Variants in VRK1 observed in about 807,000 individuals in gnomAD.
VRK1 encodes the protein VRK serine/threonine kinase 1, also known as serine/threonine-protein kinase VRK1.
VRK1 carries 33 observed loss-of-function variants against 57.1 expected under a neutral mutation model. The ratio of observed to expected loss-of-function variants is 0.58; its 90% CI spans 0.44 to 0.77. The LOEUF (loss-of-function observed/expected upper bound fraction) is 0.77. VRK1 is among the 30% of genes least tolerant of loss of function. The pLI, the probability that VRK1 is intolerant of heterozygous loss-of-function variation, is 0.00. For synonymous variants in VRK1, 137 were observed against 147.8 expected (o/e 0.93, Z 0.53); for missense variants, 413 against 477.3 (o/e 0.87, Z 1.25).
intron 11 of VRK1, among the ~76,000 whole-genome samples, chr14:96,868,107 A>G (rs2224443): frequency 0.32 from 48,044 of 152,040 alleles, 8,411 homozygotes; most frequent in South Asian, 0.42. Context: ...TTTTCATTAC[A>G]GACATCTACT....
chr14:96,803,589 A>T (rs1051441873), intron 1 of VRK1, among the ~76,000 whole-genome samples: 1 of 152,156 alleles, frequency 6.6e-6, no homozygotes, highest in African/African-American at 2.4e-5. Context: ...GAAAAAACGT[A>T]TTTATGTAGG....
chr14:96,839,959 A>C (rs1887388022), intron 3 of VRK1, among the ~76,000 whole-genome samples: 1 of 152,158 alleles, frequency 6.6e-6, no homozygotes, highest in African/African-American at 2.4e-5. Flanking sequence ...CCACTTAGTC[A>C]TGGTGTATTA....
At chr14:96,860,112 G>C (rs1376239896) in intron 10 of VRK1, among the ~76,000 whole-genome samples, 3 of 151,790 alleles carry the variant, frequency 2.0e-5, no homozygotes, top group African/African-American at 7.3e-5. Flanking sequence ...GCCTCTTTTT[G>C]GTGTGTTTTA....
At chr14:96,872,339 C>T (rs1384586738) in intron 11 of VRK1, among the ~76,000 whole-genome samples, 1 of 152,132 alleles carries the variant, frequency 6.6e-6, no homozygotes, top group African/African-American at 2.4e-5. Flanking sequence ...TCAATAGTTA[C>T]TCTACAGGTG....
intron 1 of VRK1, among the ~76,000 whole-genome samples, chr14:96,804,665 A>G (rs1885799658): frequency 6.6e-6 from 1 of 152,226 alleles, no homozygotes; most frequent in African/African-American, 2.4e-5. Context: ...GGAAAATGGT[A>G]TGATAGAAAT....
chr14:96,804,261 A>G (rs571733145), intron 1 of VRK1, among the ~76,000 whole-genome samples: 15 of 152,172 alleles, frequency 9.9e-5, no homozygotes, highest in Non-Finnish European at 1.8e-4. Context: ...TTCCAAAACC[A>G]TTTGTTGAAA....
At chr14:96,861,696 A>G (rs865910825) in intron 11 of VRK1, among the ~76,000 whole-genome samples, 1 of 152,226 alleles carries the variant, frequency 6.6e-6, no homozygotes, top group African/African-American at 2.4e-5. Flanking sequence ...ACTTTGCCAA[A>G]TAGCAGGTCT....
At position 96,855,138 on chromosome 14, in the gene VRK1, A is replaced by T. The variant is rs911174650; in HGVS notation, c.577-86A>T. 2.5e-6 allele frequency: 4 copies of T among 1,603,718 alleles called. No homozygotes were observed. In the African/African-American group the frequency reaches 5.4e-5, roughly 21 times the overall value. ...ACCTTGTAGGTGAACCCACCTTCAG[A>T]TGCCAGTATTTTGTTTCTGTGCTTT... On this transcript the variant is annotated intron_variant, in intron 7 of 12. Transcript: ENST00000216639.
Position 96,813,488 on chromosome 14 carries a change from G to A in VRK1, c.-6+16041G>A, listed in dbSNP as rs562785999. Among the ~76,000 whole-genome samples the A allele has an allele frequency of 2.0e-5, 3 of 151,878 alleles. 1 individual carries two copies. Among genetic ancestry groups the A allele is most frequent in the South Asian group, 4.2e-4 (2 of 4,806 alleles). On this transcript the variant is annotated intron_variant, in intron 1 of 12. Coordinates refer to ENST00000216639, the MANE Select transcript of VRK1 (RefSeq NM_003384.3). The stretch of plus-strand genomic sequence containing the variant: ...CTTTTTTCATATATTCTTCAGTGGC[G>A]TATACATCAAGTTTTTTTCAGCTGA...
chr14:96,824,574 C>G (rs80125383), intron 1 of VRK1, among the ~76,000 whole-genome samples: 1,577 of 149,430 alleles, frequency 0.011, 21 homozygotes, highest in African/African-American at 0.032. Context: ...CAAGTACAGA[C>G]GATTATTGAA....
chr14:96,832,959 G>T (rs1887066645), intron 1 of VRK1, among the ~76,000 whole-genome samples: 1 of 152,166 alleles, frequency 6.6e-6, no homozygotes, highest in African/African-American at 2.4e-5. Context: ...TCTTCACAGA[G>T]TCATGAGGAT....
intron 1 of VRK1, among the ~76,000 whole-genome samples, chr14:96,809,020 A>G (rs894464856): frequency 2.0e-5 from 3 of 152,188 alleles, no homozygotes; most frequent in Non-Finnish European, 4.4e-5. Flanking sequence ...CTGTTGACCA[A>G]ACCTACATGT....
At position 96,799,617 on chromosome 14, in the gene VRK1, A is replaced by T. The variant is rs560216770; in HGVS notation, c.-6+2170A>T. On this transcript the variant is annotated intron_variant, in intron 1 of 12. Transcript: ENST00000216639. The stretch of plus-strand genomic sequence containing the variant: ...GTCTCCTGAATTTATGCAAATGTGC[A>T]AATGCTTATATCTCCGTAGATCAGG... Among the ~76,000 whole-genome samples, 72 of 152,390 alleles carry T rather than the reference A, an allele frequency of 4.7e-4. 1 individual carries two copies. The highest frequency in any genetic ancestry group is 1.6e-3 in the African/African-American group (68 of 41,598).
At chr14:96,818,947 T>C (rs1886493396) in intron 1 of VRK1, among the ~76,000 whole-genome samples, 1 of 152,228 alleles carries the variant, frequency 6.6e-6, no homozygotes, top group South Asian at 2.1e-4. Context: ...TTTCAAATGA[T>C]TTCTTAGCAC....
intron 1 of VRK1, among the ~76,000 whole-genome samples, chr14:96,814,319 G>A (rs1886313551): frequency 1.3e-5 from 2 of 152,132 alleles, no homozygotes; most frequent in Non-Finnish European, 2.9e-5. Flanking sequence ...AAGGTATTGA[G>A]AGTTATTTTT....
intron 1 of VRK1, among the ~76,000 whole-genome samples, chr14:96,799,633 G>T (rs913288023): frequency 6.6e-6 from 1 of 152,188 alleles, no homozygotes; most frequent in Admixed American, 6.5e-5. Flanking sequence ...TTATATCTCC[G>T]TAGATCAGGC....
chr14:96,799,110 A>G (rs1273446747), intron 1 of VRK1, among the ~76,000 whole-genome samples: 3 of 152,250 alleles, frequency 2.0e-5, no homozygotes, highest in African/African-American at 7.2e-5. Context: ...TGCAAAAATT[A>G]TGAGAGGATA....
At chr14:96,834,610 A>G (rs934134068) in intron 2 of VRK1, among the ~76,000 whole-genome samples, 1 of 152,194 alleles carries the variant, frequency 6.6e-6, no homozygotes, top group Non-Finnish European at 1.5e-5. Flanking sequence ...GCCCTTGGTC[A>G]GTTGCAGTTT....
chr14:96,811,199 G>C (rs1450436466), intron 1 of VRK1, among the ~76,000 whole-genome samples: 1 of 152,094 alleles, frequency 6.6e-6, no homozygotes, highest in Non-Finnish European at 1.5e-5. Context: ...CCAAAGTGCA[G>C]GGATTACAGG....
Sources: allele counts gnomAD v4.1 joint callset (sites outside exome capture counted in the v4.1 genomes callset), GRCh38; gene constraint gnomAD v4.1.1; transcripts MANE v1.5; gene names NCBI Gene and HGNC (gene_info 2026-07-23, HGNC 2026-07-21).